LAMB1: variants seen among roughly 807,000 people sequenced by gnomAD.
LAMB1 encodes laminin subunit beta-1.
In LAMB1, 121 loss-of-function variants were observed where a neutral mutation model predicts 222.3. That is an observed-to-expected ratio of 0.54 (90% CI 0.47 to 0.63). The LOEUF (loss-of-function observed/expected upper bound fraction) is 0.63. LAMB1 is among the 30% of genes least tolerant of loss of function. The probability of loss-of-function intolerance (pLI) is 0.00; values close to 1 mark genes in which losing one functional copy is unlikely to be tolerated. For synonymous variants in LAMB1, 794 were observed against 807.2 expected (o/e 0.98, Z 0.28); for missense variants, 2,172 against 2,240.8 (o/e 0.97, Z 0.62).
In LAMB1 at chr7:107,959,297, C is replaced by T; in HGVS notation, c.2642G>A (p.Gly881Glu). ...GTAGTCCTGGCAGTTCAAGCACTCC[C>T]CAGTCACTGGGTCGCAGTCATCGGC... The part of the protein sequence containing the change: ...GHADDCDPVT[G>E]ECLNCQDYTM... The change falls in exon 20 of 34, where the codon GGG (glycine) becomes GAG (glutamate). Residue 881 changes from glycine (G) to glutamate (E), a missense_variant. Physicochemically the swap from Gly to Glu is moderately conservative, Grantham distance 98. Coordinates refer to ENST00000222399, the MANE Select transcript of LAMB1 (RefSeq NM_002291.3). 1.2e-6 allele frequency: 2 copies of T among 1,614,222 alleles called. No homozygotes were observed. The highest frequency in any genetic ancestry group is 1.1e-5 in the South Asian group (1 of 91,082).
At chr7:107,977,962 A>G in intron 9 of LAMB1, 85 bp downstream of exon 9, 1 of 1,507,520 alleles carries the variant, frequency 6.6e-7, no homozygotes, top group Non-Finnish European at 9.2e-7. Flanking sequence ...CCTCTGCAAA[A>G]CAGTACACTG....
intron 25 of LAMB1, among the ~76,000 whole-genome samples, chr7:107,939,602 G>A (rs899090508): frequency 1.1e-4 from 17 of 152,110 alleles, no homozygotes; most frequent in African/African-American, 3.9e-4. Context: ...CTCCACAGGA[G>A]AGAAAATACA....
chr7:107,984,694 A>G (rs1399898768), intron 7 of LAMB1, among the ~76,000 whole-genome samples: 1 of 152,224 alleles, frequency 6.6e-6, no homozygotes, highest in Non-Finnish European at 1.5e-5. Context: ...TGCCAGATTT[A>G]ACAAGTAAAT....
chr7:107,943,911 C>G (rs2033054151), intron 24 of LAMB1, among the ~76,000 whole-genome samples: 1 of 152,168 alleles, frequency 6.6e-6, no homozygotes, highest in Admixed American at 6.5e-5. Context: ...GGAAGTTCAG[C>G]AATGTAGGCT....
intron 7 of LAMB1, among the ~76,000 whole-genome samples, chr7:107,983,035 G>A (rs925238324): frequency 3.9e-5 from 6 of 152,270 alleles, no homozygotes; most frequent in South Asian, 4.1e-4. Flanking sequence ...CCTTGTGGAC[G>A]TTTTTCATAA....
chr7:107,967,849 C>T (rs1235422168), intron 13 of LAMB1, among the ~76,000 whole-genome samples: 2 of 152,062 alleles, frequency 1.3e-5, no homozygotes, highest in African/African-American at 4.8e-5. Context: ...AATCAAAATG[C>T]AGTAAGAACC....
At chr7:107,979,296 T>A (rs1412013326) in intron 8 of LAMB1, among the ~76,000 whole-genome samples, 47 of 151,872 alleles carry the variant, frequency 3.1e-4, no homozygotes, top group Admixed American at 3.1e-3. Context: ...CTAACTGGAG[T>A]AAAGGGAAGG....
At chr7:107,989,424 A>G (rs2034140256) in intron 5 of LAMB1, among the ~76,000 whole-genome samples, 1 of 152,204 alleles carries the variant, frequency 6.6e-6, no homozygotes, top group Admixed American at 6.5e-5. Flanking sequence ...AACTAGAAAC[A>G]TGCTTAGGCT....
chr7:107,925,766 G>A (rs2032547460), intron 32 of LAMB1, among the ~76,000 whole-genome samples: 1 of 152,016 alleles, frequency 6.6e-6, no homozygotes, highest in Non-Finnish European at 1.5e-5. Context: ...CCTACTACCT[G>A]TTCTCTGTTC....
intron 12 of LAMB1, among the ~76,000 whole-genome samples, chr7:107,973,716 G>C (rs551610402): frequency 8.5e-5 from 13 of 152,246 alleles, no homozygotes; most frequent in African/African-American, 2.9e-4. Flanking sequence ...TGTGATCCCA[G>C]CTCACTACAA....
In LAMB1 at chr7:107,940,008, T is replaced by G; in HGVS notation, c.3742A>C (p.Asn1248His). The G allele has an allele frequency of 6.2e-7, 1 of 1,613,792 alleles. No homozygotes were observed. Among genetic ancestry groups the G allele is most frequent in the Non-Finnish European group, 8.5e-7 (1 of 1,179,810 alleles). ...ACTTACTCTGCTTCCTCAAAGAGAT[T>G]CCCAATGTTTTTCAGTGGCTCTGCT... The part of the protein sequence containing the change: ...PAAEPLKNIG[N>H]LFEEAEKLIK... The change falls in exon 25 of 34, where the codon AAT (asparagine) becomes CAT (histidine). Residue 1248 changes from asparagine (N) to histidine (H), a missense_variant. Asn to His is a moderately conservative substitution (Grantham distance 68). Transcript: ENST00000222399.
chr7:107,935,369 T>A, intron 27 of LAMB1, 46 bp downstream of exon 27: 5 of 1,165,706 alleles, frequency 4.3e-6, no homozygotes, highest in Non-Finnish European at 5.5e-6. Flanking sequence ...TTTTTTTTTT[T>A]TTTTGCTTGG....
At chr7:107,993,785 G>A (rs1452392720) in intron 5 of LAMB1, among the ~76,000 whole-genome samples, 2 of 152,236 alleles carry the variant, frequency 1.3e-5, no homozygotes, top group African/African-American at 2.4e-5. Flanking sequence ...ACAAGGAGTA[G>A]TTGACAATTT....
intron 25 of LAMB1, 92 bp from the exon 26 acceptor site, chr7:107,937,369 T>C: frequency 2.1e-6 from 2 of 966,632 alleles, no homozygotes; most frequent in East Asian, 2.4e-5. Context: ...TATCCATTAC[T>C]AATTTCAAAC....
rs1390870055 is a variant in LAMB1, at chr7:107,980,738, G to A, written c.750C>T (p.Ser250=). ...LHTLGDNLLD[S]RMEIREKYYY... ...AATACTTTTCTCTGATTTCCATCCT[G>A]GAATCCAGAAGGTTATCTCCCAAAG... is the stretch of plus-strand genomic sequence containing the variant. The change falls in exon 8 of 34, where the codon TCC becomes TCT. Residue 250 remains serine, a synonymous_variant. Coordinates refer to ENST00000222399, the MANE Select transcript of LAMB1 (RefSeq NM_002291.3). 3.7e-6 allele frequency: 6 copies of A among 1,613,130 alleles called. No individual in the cohort carries two copies. The highest frequency in any genetic ancestry group is 1.6e-4 in the Middle Eastern group (1 of 6,084).
intron 4 of LAMB1, among the ~76,000 whole-genome samples, chr7:107,998,067 C>A (rs1234677413): frequency 6.6e-6 from 1 of 152,112 alleles, no homozygotes; most frequent in African/African-American, 2.4e-5. Flanking sequence ...ATACCCTCCC[C>A]AGACAGCCCC....
At chr7:107,953,413 C>T (rs1416486034) in intron 22 of LAMB1, 117 bp downstream of exon 22, 7 of 780,900 alleles carry the variant, frequency 9.0e-6, no homozygotes, top group Admixed American at 2.8e-5. Context: ...TGAAATTTTA[C>T]CTCTCTGAAC....
chr7:107,972,183 C>A (rs1403084656), intron 13 of LAMB1, among the ~76,000 whole-genome samples: 1 of 152,196 alleles, frequency 6.6e-6, no homozygotes, highest in Non-Finnish European at 1.5e-5. Flanking sequence ...AGAGGACAAA[C>A]ACAACATGTT....
rs116142994 is a variant in LAMB1 at position 107,947,983 on chromosome 7, C to T, written c.3391+3243G>A. ...CCCCAACATTTTATATCTTCTTCTT[C>T]TTTTTTTTTTTTTTTTTTTGAGACA... On this transcript the variant is annotated intron_variant, in intron 24 of 33. Coordinates refer to ENST00000222399, the MANE Select transcript of LAMB1 (RefSeq NM_002291.3). Among the ~76,000 whole-genome samples the T allele has an allele frequency of 4.4e-3, 513 of 117,248 alleles. 6 individuals carry two copies. The highest frequency in any genetic ancestry group is 0.016 in the African/African-American group (473 of 30,094). 76.9% of individuals were successfully genotyped at this position (117,248 alleles called of 152,430 possible). A position where few individuals can be genotyped will look rare whatever the true frequency, so the allele number is the denominator to read the frequency against.
Sources: allele counts gnomAD v4.1 joint callset (sites outside exome capture counted in the v4.1 genomes callset), GRCh38; gene constraint gnomAD v4.1.1; transcripts MANE v1.5; gene names NCBI Gene and HGNC (gene_info 2026-07-23, HGNC 2026-07-21).